Variants in CBR4 observed in about 807,000 individuals in gnomAD.
CBR4 encodes the protein 3-oxoacyl-[acyl-carrier-protein] reductase.
Under a neutral mutation model 21.0 loss-of-function variants are expected in CBR4, and 22 were observed. That is an observed-to-expected ratio of 1.05 (90% CI 0.75 to 1.50). CBR4 has a LOEUF of 1.50. CBR4 is among the 40% of genes most tolerant of loss of function. The pLI is 0.00. For synonymous variants in CBR4, 100 were observed against 104.4 expected, an observed-to-expected ratio of 0.96 and a Z score of 0.26; for missense variants, 302 against 286.3, an observed-to-expected ratio of 1.05 and a Z score of -0.40.
At chr4:168,964,443 G>C (rs1014203192) in intron 2 of CBR4, among the ~76,000 whole-genome samples, 1 of 152,108 alleles carries the variant, frequency 6.6e-6, no homozygotes, top group African/African-American at 2.4e-5. Flanking sequence ...AACAAGTAAA[G>C]CCTAAAAAGG....
chr4:168,927,886 T>A (rs1762753339), intron 2 of CBR4: 1 of 206,998 alleles, frequency 4.8e-6, no homozygotes, highest in Admixed American at 5.9e-5. Context: ...GAAAACACTG[T>A]ATTCCTTATG....
In CBR4 at chr4:168,921,635, C is replaced by T. The variant is rs370315223; in HGVS notation, n.170-26870G>A. 7 of 1,611,256 alleles carry T rather than the reference C, an allele frequency of 4.3e-6. No individual in the cohort carries two copies. Among genetic ancestry groups the T allele is most frequent in the African/African-American group, 1.3e-5 (1 of 74,082 alleles). On this transcript the variant is annotated intron_variant and non_coding_transcript_variant, in intron 2 of 3. Transcript: ENST00000509108. Reference sequence around the variant, plus strand: ...TGCTGGTGCGTGAGAACGGGGTGCACTCTCTGATCATAGAGCCAGTCACGT... The same window carrying T: ...TGCTGGTGCGTGAGAACGGGGTGCATTCTCTGATCATAGAGCCAGTCACGT...
intron 2 of CBR4, chr4:168,894,907 C>T (rs1754784218): frequency 1.6e-6 from 1 of 612,182 alleles, no homozygotes; most frequent in Admixed American, 3.0e-5. Context: ...TTTTATTCTT[C>T]TTCTTGATTA....
chr4:168,991,143 T>C (rs1025828781), intron 4 of CBR4, among the ~76,000 whole-genome samples: 5 of 152,204 alleles, frequency 3.3e-5, no homozygotes, highest in African/African-American at 9.6e-5. Context: ...TGAATATTTA[T>C]TGGACACTAA....
chr4:168,977,245 T>C (rs544904209), intron 2 of CBR4, among the ~76,000 whole-genome samples: 1 of 152,140 alleles, frequency 6.6e-6, no homozygotes, highest in South Asian at 2.1e-4. Context: ...TTATTGAAGT[T>C]ACCAATGATT....
chr4:168,903,936 T>A (rs1757083382), intron 2 of CBR4: 1 of 1,602,836 alleles, frequency 6.2e-7, no homozygotes, highest in African/African-American at 1.3e-5. Flanking sequence ...TGGGCTCAGT[T>A]CTGTGTCTAG....
intron 2 of CBR4, chr4:168,927,501 T>A (rs1762711677): frequency 4.3e-6 from 1 of 232,218 alleles, no homozygotes; most frequent in South Asian, 1.8e-4. Flanking sequence ...TGAGACTGCA[T>A]GGTGGCATAA....
intron 4 of CBR4, among the ~76,000 whole-genome samples, chr4:168,990,542 T>C (rs922804164): frequency 6.6e-6 from 1 of 151,954 alleles, no homozygotes; most frequent in African/African-American, 2.4e-5. Context: ...GCACAGGTGA[T>C]CCTCTTGCCT....
chr4:168,915,887 G>A (rs1401242967), intron 2 of CBR4: 1 of 1,610,852 alleles, frequency 6.2e-7, no homozygotes. Flanking sequence ...CATCTTTCTT[G>A]TTTCAAGGCC....
At chr4:168,925,168 A>AAAC (rs2126592875) in intron 2 of CBR4, 1 of 1,582,904 alleles carries the variant, frequency 6.3e-7, no homozygotes, top group East Asian at 2.2e-5. Context: ...TACTCTTTAT[A>AAAC]AACAACTATT....
chr4:169,005,758 A>C (rs988123073), intron 3 of CBR4: 13 of 570,102 alleles, frequency 2.3e-5, no homozygotes, highest in Admixed American at 2.0e-4. Context: ...TAAATGTCCA[A>C]AATGCTCTCA....
intron 2 of CBR4, among the ~76,000 whole-genome samples, chr4:168,896,096 G>A (rs1420319804): frequency 6.6e-6 from 1 of 152,096 alleles, no homozygotes; most frequent in Non-Finnish European, 1.5e-5. Context: ...TGTAGTCCCA[G>A]CTACGCGGGA....
At chr4:168,970,116 T>C (rs1348159296) in intron 2 of CBR4, among the ~76,000 whole-genome samples, 1 of 152,222 alleles carries the variant, frequency 6.6e-6, no homozygotes, top group Non-Finnish European at 1.5e-5. Context: ...ATTGTTGCAT[T>C]ATATATTCTT....
Position 168,916,472 on chromosome 4 carries a change from T to C in CBR4, n.170-21707A>G, listed in dbSNP as rs1320643340. On this transcript the variant is annotated intron_variant and non_coding_transcript_variant, in intron 2 of 3. Coordinates refer to the CBR4 transcript ENST00000509108. ...GTGAAATACGTCGGATATTTATATA[T>C]TGTTTACTATGATTCTTTAAATCTA... Among the ~76,000 whole-genome samples, 3 of 110,962 alleles carry C rather than the reference T, an allele frequency of 2.7e-5. No individual in the cohort carries two copies. In the East Asian group the frequency reaches 1.1e-3, roughly 42 times the overall value. 72.8% of individuals were successfully genotyped at this position (110,962 alleles called of 152,430 possible).
chr4:168,898,315 A>G (rs1278114876), intron 2 of CBR4: 3 of 641,776 alleles, frequency 4.7e-6, no homozygotes, highest in African/African-American at 3.6e-5. Context: ...GAAATACCAC[A>G]TAAACTCACT....
chr4:168,903,289 A>G (rs1238580733), intron 2 of CBR4, among the ~76,000 whole-genome samples: 1 of 152,182 alleles, frequency 6.6e-6, no homozygotes, highest in Admixed American at 6.5e-5. Context: ...ATTCAGTGAA[A>G]TGATTAGAGT....
chr4:168,898,897 T>G (rs1434031855), intron 2 of CBR4, among the ~76,000 whole-genome samples: 2 of 151,924 alleles, frequency 1.3e-5, no homozygotes, highest in African/African-American at 4.8e-5. Context: ...CCAAAAAAGG[T>G]GGTGGGGGGA....
intron 2 of CBR4, among the ~76,000 whole-genome samples, chr4:168,971,434 TCA>T (rs1315952069): frequency 5.9e-5 from 4 of 68,326 alleles, no homozygotes; most frequent in African/African-American, 1.2e-4. Flanking sequence ...CATGCCCAGC[TCA>T]TTTTTTTTTT....
At position 168,894,590 on chromosome 4, in the gene CBR4, C is replaced by T. The variant is rs372414187; in HGVS notation, n.345G>A. The stretch of plus-strand genomic sequence containing the variant: ...CTTACGTTGTTTAGAGGTTAACATA[C>T]GAAGAAAGAATGGCTCGTCGACTGC... On this transcript the variant is annotated non_coding_transcript_exon_variant, in exon 3 of 4. Transcript: ENST00000509108. The T allele has an allele frequency of 1.4e-5, 22 of 1,611,494 alleles. No individual in the cohort carries two copies. The highest frequency in any genetic ancestry group is 3.3e-4 in the Middle Eastern group (2 of 6,082).
Sources: allele counts gnomAD v4.1 joint callset (sites outside exome capture counted in the v4.1 genomes callset), GRCh38; gene constraint gnomAD v4.1.1; transcripts MANE v1.5; gene names NCBI Gene and HGNC (gene_info 2026-07-23, HGNC 2026-07-21).